The following FRMD4B variants were observed in gnomAD, a reference collection of about 807,000 sequenced individuals.
The protein encoded by FRMD4B is FERM domain containing 4B.
A neutral mutation model predicts 141.5 loss-of-function variants in FRMD4B; 74 were observed. The observed-to-expected ratio is 0.52, with a 90% CI of 0.43 to 0.63. The LOEUF (loss-of-function observed/expected upper bound fraction) is 0.63, where lower values mean the gene tolerates loss of function less well. Among genes scored for constraint, FRMD4B ranks in the 30% least tolerant of loss-of-function variants. FRMD4B has a pLI of 0.00. For synonymous variants in FRMD4B, 506 were observed against 467.9 expected (o/e 1.08, Z -1.05); for missense variants, 1,366 against 1,253.4 (o/e 1.09, Z -1.36).
chr3:69,536,339 C>G, intron 1 of FRMD4B: 2 of 665,590 alleles, frequency 3.0e-6, no homozygotes, highest in South Asian at 3.4e-5. Flanking sequence ...CTGCCAGTGG[C>G]CCCCCTTGCT....
At chr3:69,315,456 G>A (rs922416312) in intron 1 of FRMD4B, among the ~76,000 whole-genome samples, 2 of 152,056 alleles carry the variant, frequency 1.3e-5, no homozygotes, top group Non-Finnish European at 2.9e-5. Flanking sequence ...ATATTTCTGT[G>A]TGAGTGTAAC....
chr3:69,220,795 A>G (rs2093186585), intron 9 of FRMD4B, among the ~76,000 whole-genome samples: 1 of 152,200 alleles, frequency 6.6e-6, no homozygotes, highest in African/African-American at 2.4e-5. Flanking sequence ...TGGCAATTGC[A>G]GTGAGATGAG....
chr3:69,293,708 T>G (rs1700949429), intron 4 of FRMD4B, among the ~76,000 whole-genome samples: 1 of 151,740 alleles, frequency 6.6e-6, no homozygotes, highest in Non-Finnish European at 1.5e-5. Context: ...TGGTAAAAAC[T>G]CATTTCTACT....
At chr3:69,189,644 T>A (rs2092814795) in intron 18 of FRMD4B, among the ~76,000 whole-genome samples, 1 of 152,228 alleles carries the variant, frequency 6.6e-6, no homozygotes. Flanking sequence ...ACTGAGAGAC[T>A]TAGATACTCC....
chr3:69,373,028 C>A (rs555015613), intron 1 of FRMD4B, among the ~76,000 whole-genome samples: 4 of 152,296 alleles, frequency 2.6e-5, no homozygotes, highest in African/African-American at 9.6e-5. Context: ...TGTGCTGATG[C>A]AAACACCTCC....
rs193161111 is a variant in FRMD4B, at chr3:69,228,356, T to G, written c.582-3666A>C. On this transcript the variant is annotated intron_variant, in intron 7 of 22. Coordinates refer to ENST00000398540, the MANE Select transcript of FRMD4B (RefSeq NM_015123.3). Reference sequence around the variant, plus strand: ...CAGATGCAAATATCTTGGGGCCAAGTGAGACAGGCATTAGAAAATCAACTG... The same window carrying G: ...CAGATGCAAATATCTTGGGGCCAAGGGAGACAGGCATTAGAAAATCAACTG... The G allele has an allele frequency of 3.7e-5, 17 of 456,950 alleles. No individual in the cohort carries two copies. In the East Asian group the frequency reaches 9.7e-4, roughly 26 times the overall value. The allele number at this position is 456,950 out of a possible 1,614,324, so 28.3% of individuals were successfully genotyped here.
At chr3:69,280,197 G>T (rs17633079) in intron 5 of FRMD4B, among the ~76,000 whole-genome samples, 1 of 151,866 alleles carries the variant, frequency 6.6e-6, no homozygotes, top group African/African-American at 2.4e-5. Context: ...TATCAGTTTC[G>T]GCATTTCCAC....
intron 1 of FRMD4B, among the ~76,000 whole-genome samples, chr3:69,349,658 G>A (rs1257630016): frequency 6.6e-6 from 1 of 152,086 alleles, no homozygotes; most frequent in Non-Finnish European, 1.5e-5. Context: ...AGAGCCCTCA[G>A]AAATAATATC....
At chr3:69,232,399 C>G (rs1036261284) in intron 7 of FRMD4B, among the ~76,000 whole-genome samples, 1 of 152,138 alleles carries the variant, frequency 6.6e-6, no homozygotes, top group Non-Finnish European at 1.5e-5. Flanking sequence ...GGCTGAACTC[C>G]TCCCTTAGGC....
At chr3:69,338,960 G>T (rs1702645181) in intron 1 of FRMD4B, among the ~76,000 whole-genome samples, 1 of 152,116 alleles carries the variant, frequency 6.6e-6, no homozygotes, top group Non-Finnish European at 1.5e-5. Flanking sequence ...ATTCTTCTCT[G>T]CCCCTTAGTT....
intron 1 of FRMD4B, among the ~76,000 whole-genome samples, chr3:69,342,629 C>T (rs566327306): frequency 2.6e-5 from 4 of 152,252 alleles, no homozygotes; most frequent in Non-Finnish European, 5.9e-5. Context: ...CTAGCTCTAA[C>T]CCCCTCAATA....
intron 1 of FRMD4B, among the ~76,000 whole-genome samples, chr3:69,457,801 C>T (rs2106911688): frequency 6.6e-6 from 1 of 152,344 alleles, no homozygotes; most frequent in Middle Eastern, 3.4e-3. Flanking sequence ...TCCCTAATTT[C>T]AGCCTTAGCT....
intron 1 of FRMD4B, among the ~76,000 whole-genome samples, chr3:69,474,382 T>C (rs957034831): frequency 1.2e-4 from 18 of 152,196 alleles, no homozygotes; most frequent in Non-Finnish European, 2.4e-4. Context: ...TACCATCTGA[T>C]GACGCTGAGT....
chr3:69,472,374 C>A, intron 1 of FRMD4B: 1 of 494,760 alleles, frequency 2.0e-6, no homozygotes, highest in South Asian at 1.5e-5. Flanking sequence ...TTCAACATCT[C>A]CACCCTCATT....
chr3:69,328,714 A>G (rs1702263544), intron 1 of FRMD4B, among the ~76,000 whole-genome samples: 1 of 152,206 alleles, frequency 6.6e-6, no homozygotes, highest in Admixed American at 6.5e-5. Context: ...ATTATAATGC[A>G]ATTGCATGCT....
chr3:69,228,573 G>T (rs535691388), intron 7 of FRMD4B: 5 of 426,128 alleles, frequency 1.2e-5, no homozygotes, highest in Non-Finnish European at 2.3e-5. Flanking sequence ...GGTGGCTCAT[G>T]CCTATAATCC....
intron 5 of FRMD4B, among the ~76,000 whole-genome samples, chr3:69,265,130 C>A (rs1362115357): frequency 1.3e-5 from 2 of 149,560 alleles, no homozygotes; most frequent in Non-Finnish European, 3.0e-5. Context: ...TGGTGGGCGC[C>A]TGTAGTCCCA....
chr3:69,377,410 T>G (rs1704000123), intron 1 of FRMD4B, among the ~76,000 whole-genome samples: 1 of 152,198 alleles, frequency 6.6e-6, no homozygotes, highest in Non-Finnish European at 1.5e-5. Context: ...TTCTACATCC[T>G]CACATCAAGG....
intron 3 of FRMD4B, among the ~76,000 whole-genome samples, chr3:69,307,032 C>T (rs761844654): frequency 2.0e-5 from 3 of 152,030 alleles, no homozygotes; most frequent in African/African-American, 7.2e-5. Flanking sequence ...GGCCAATTTC[C>T]ACCCCCTCAA....
Sources: gnomAD v4.1 joint callset for allele counts (sites outside exome capture counted in the v4.1 genomes callset) on GRCh38, gnomAD v4.1.1 for gene constraint, MANE v1.5 for transcripts, NCBI Gene and HGNC (gene_info 2026-07-23, HGNC 2026-07-21) for gene names.